LAMA1: variants seen among roughly 807,000 people sequenced by gnomAD.
The protein encoded by LAMA1 is laminin subunit alpha-1.
LAMA1 carries 219 observed loss-of-function variants against 348.7 expected under a neutral mutation model. The ratio of observed to expected loss-of-function variants is 0.63; its 90% CI spans 0.56 to 0.70. The LOEUF is 0.70. Among genes scored for constraint, LAMA1 ranks in the 30% least tolerant of loss-of-function variants. LAMA1 has a pLI of 0.00. For missense variants in LAMA1, 3,744 were observed against 3,888.0 expected, an observed-to-expected ratio of 0.96 and a Z score of 0.99; for synonymous variants, 1,487 against 1,491.0, an observed-to-expected ratio of 1.00 and a Z score of 0.06.
At chr18:7,026,469 C>T (rs966555348) in intron 16 of LAMA1, among the ~76,000 whole-genome samples, 1 of 152,152 alleles carries the variant, frequency 6.6e-6, no homozygotes, top group African/African-American at 2.4e-5. Flanking sequence ...CAGTGTCCGC[C>T]TCCAACTGTT....
At chr18:7,034,764 G>C in intron 13 of LAMA1, 74 bp from the exon 14 acceptor site, 1 of 1,428,656 alleles carries the variant, frequency 7.0e-7, no homozygotes, top group South Asian at 1.2e-5. Context: ...ATCAAATTTT[G>C]TATTCAGCAA....
chr18:7,011,700 G>T (rs958704367), intron 24 of LAMA1, among the ~76,000 whole-genome samples: 1 of 152,174 alleles, frequency 6.6e-6, no homozygotes, highest in Admixed American at 6.5e-5. Context: ...CTGGGGAAAC[G>T]TTCAATGATA....
At chr18:7,003,462 G>T (rs941924690) in intron 29 of LAMA1, among the ~76,000 whole-genome samples, 5 of 152,074 alleles carry the variant, frequency 3.3e-5, no homozygotes, top group Non-Finnish European at 7.3e-5. Context: ...ATTTCACTGT[G>T]TTAGCCAGGA....
chr18:7,005,086 A>G (rs1264128906), intron 29 of LAMA1, among the ~76,000 whole-genome samples: 1 of 152,202 alleles, frequency 6.6e-6, no homozygotes, highest in Non-Finnish European at 1.5e-5. Context: ...TGACATGCAC[A>G]CCACAGGCTG....
chr18:6,992,346 T>C (rs900963771), intron 36 of LAMA1, among the ~76,000 whole-genome samples: 2 of 152,224 alleles, frequency 1.3e-5, no homozygotes, highest in African/African-American at 2.4e-5. Context: ...AGCACAAAGA[T>C]AGATTACACT....
At chr18:7,043,024 A>T (rs1598294591) in intron 8 of LAMA1, 1 of 599,218 alleles carries the variant, frequency 1.7e-6, no homozygotes, top group African/African-American at 1.9e-5. Context: ...TGAATTCAAG[A>T]TAAATAACAA....
rs184460397 is a variant in LAMA1, at chr18:7,012,088, A to T, written c.3414T>A (p.Ala1138=). 1 of 1,613,616 alleles carries T rather than the reference A, an allele frequency of 6.2e-7. No homozygotes were observed. Among genetic ancestry groups the T allele is most frequent in the East Asian group, 2.2e-5 (1 of 44,878 alleles). ...AGCCCAGGGGGTTGTCTGCGCGGAG[A>T]GCGAAGGTGCCCTCTCGACATTCGT... is the stretch of plus-strand genomic sequence containing the variant. ...QCNECREGTF[A]LRADNPLGCS... Residue 1138 remains alanine, a synonymous_variant, in exon 24 of 63, where the codon GCT becomes GCA. Coordinates refer to ENST00000389658, the MANE Select transcript of LAMA1 (RefSeq NM_005559.4).
chr18:6,967,151 G>C (rs551708048), intron 48 of LAMA1, among the ~76,000 whole-genome samples: 1 of 152,218 alleles, frequency 6.6e-6, no homozygotes, highest in South Asian at 2.1e-4. Flanking sequence ...CGTTTCCATG[G>C]ATGATAAAAG....
chr18:7,093,740 G>A (rs975005604), intron 1 of LAMA1, among the ~76,000 whole-genome samples: 6 of 150,754 alleles, frequency 4.0e-5, no homozygotes, highest in African/African-American at 1.5e-4. Context: ...TATGCACAAG[G>A]TAGAGAGATA....
intron 19 of LAMA1, among the ~76,000 whole-genome samples, chr18:7,018,887 C>T (rs1156335897): frequency 2.0e-5 from 3 of 152,078 alleles, no homozygotes; most frequent in African/African-American, 4.8e-5. Context: ...TGCTGGGATC[C>T]GCCTCCTTCA....
Position 7,011,384 on chromosome 18 carries a change from G to GA in LAMA1, c.3602dup (p.Leu1202ProfsTer54). 3.7e-6 allele frequency: 6 copies of GA among 1,611,118 alleles called. No individual in the cohort carries two copies. The highest frequency in any genetic ancestry group is 5.1e-6 in the Non-Finnish European group (6 of 1,178,932). Reference sequence around the variant, plus strand: ...GCCGGACGGTGGCGGCATCCAGCAGGAAGTCGGGGGCCTGGTAGTAAACCC... The same window carrying GA: ...GCCGGACGGTGGCGGCATCCAGCAGGAAAGTCGGGGGCCTGGTAGTAAACCC... On this transcript the variant is annotated frameshift_variant, in exon 25 of 63. Coordinates refer to ENST00000389658, the MANE Select transcript of LAMA1 (RefSeq NM_005559.4). LOFTEE classifies it high-confidence loss of function.
At chr18:7,025,912 T>C in intron 17 of LAMA1, 67 bp downstream of exon 17, 1 of 1,558,916 alleles carries the variant, frequency 6.4e-7, no homozygotes, top group Non-Finnish European at 8.7e-7. Flanking sequence ...TCTGAAGTCA[T>C]TAGTACGCAT....
At chr18:6,974,462 T>C (rs1315453880) in intron 46 of LAMA1, among the ~76,000 whole-genome samples, 2 of 149,080 alleles carry the variant, frequency 1.3e-5, no homozygotes, top group Admixed American at 6.7e-5. Flanking sequence ...TTTCTTTTTT[T>C]TTTTTTTTTT....
intron 3 of LAMA1, among the ~76,000 whole-genome samples, chr18:7,058,722 C>T (rs1051576177): frequency 1.2e-4 from 18 of 152,304 alleles, no homozygotes; most frequent in Middle Eastern, 3.4e-3. Flanking sequence ...AGACTTCAGC[C>T]TCCAGAACTG....
chr18:6,971,772 C>T (rs1198530058), intron 48 of LAMA1, 85 bp downstream of exon 48: 20 of 1,566,446 alleles, frequency 1.3e-5, no homozygotes, highest in South Asian at 3.3e-5. Context: ...TATTCCTTGA[C>T]GTGCATGTAT....
chr18:7,062,426 G>C (rs1479363738), intron 3 of LAMA1, among the ~76,000 whole-genome samples: 1 of 152,152 alleles, frequency 6.6e-6, no homozygotes, highest in African/African-American at 2.4e-5. Flanking sequence ...GCCGGCGGGC[G>C]CCTGGCCAGG....
At chr18:6,997,579 A>G (rs2057787462) in intron 33 of LAMA1, among the ~76,000 whole-genome samples, 163 bp downstream of exon 33, 1 of 152,096 alleles carries the variant, frequency 6.6e-6, no homozygotes, top group Non-Finnish European at 1.5e-5. Context: ...AGTGCCTGTC[A>G]CTGGTCACAG....
intron 1 of LAMA1, among the ~76,000 whole-genome samples, chr18:7,086,804 T>G (rs1484483708): frequency 6.6e-6 from 1 of 152,182 alleles, no homozygotes; most frequent in Non-Finnish European, 1.5e-5. Context: ...TTTGGGCAAG[T>G]CAAATTCTCA....
chr18:6,972,854 C>T (rs1269257851), intron 47 of LAMA1, among the ~76,000 whole-genome samples: 1 of 152,144 alleles, frequency 6.6e-6, no homozygotes, highest in African/African-American at 2.4e-5. Context: ...CCACACCCGG[C>T]TAATTTTGTA....
Sources: allele counts gnomAD v4.1 joint callset (sites outside exome capture counted in the v4.1 genomes callset), GRCh38; gene constraint gnomAD v4.1.1; transcripts MANE v1.5; gene names NCBI Gene and HGNC (gene_info 2026-07-23, HGNC 2026-07-21).